HHAT: variants seen among roughly 807,000 people sequenced by gnomAD.
HHAT encodes the protein hedgehog acyltransferase.
In HHAT, 47 loss-of-function variants were observed where a neutral mutation model predicts 70.8. The ratio of observed to expected loss-of-function variants is 0.66; its 90% confidence interval spans 0.53 to 0.85. The LOEUF is 0.85. Ranked by LOEUF, HHAT falls within the 40% of genes least tolerant of loss-of-function variation. HHAT has a pLI of 0.00. For synonymous variants in HHAT, 228 were observed against 247.6 expected (o/e 0.92, Z 0.74); for missense variants, 609 against 604.8 (o/e 1.01, Z -0.07).
chr1:210,573,308 C>T (rs976448364), intron 9 of HHAT, among the ~76,000 whole-genome samples: 1 of 152,208 alleles, frequency 6.6e-6, no homozygotes, highest in Admixed American at 6.5e-5. Flanking sequence ...CTGCCCTGCT[C>T]TGTGCTCCAA....
At chr1:210,410,057 AT>A (rs111584710) in intron 6 of HHAT, among the ~76,000 whole-genome samples, 15,790 of 145,550 alleles carry the variant, frequency 0.11, 864 homozygotes, top group Middle Eastern at 0.16. Context: ...CAAATTTTGG[AT>A]TTTTTTTTTT....
rs183363967 is a variant in HHAT at position 210,364,110 on chromosome 1, C to T, written c.159+1191C>T. On this transcript the variant is annotated intron_variant, in intron 3 of 11. Transcript: ENST00000261458. Reference sequence around the variant, plus strand: ...TTCTGTAACTGAGAAGAGCATCCTGCCCTGCATGGGGTGCCATTCTTGGCT... The same window carrying T: ...TTCTGTAACTGAGAAGAGCATCCTGTCCTGCATGGGGTGCCATTCTTGGCT... Among the ~76,000 whole-genome samples, 33 of 152,316 alleles carry T rather than the reference C, an allele frequency of 2.2e-4. No individual in the cohort carries two copies. In the East Asian group the frequency reaches 6.2e-3, roughly 28 times the overall value.
At chr1:210,455,421 C>T (rs1022740896) in intron 7 of HHAT, among the ~76,000 whole-genome samples, 4 of 152,106 alleles carry the variant, frequency 2.6e-5, no homozygotes, top group Non-Finnish European at 5.9e-5. Flanking sequence ...CTTTAGAGCT[C>T]GTTCCCTTTG....
chr1:210,551,163 G>T lies in HHAT; in HGVS notation c.1044-36735G>T, dbSNP rs2095524249. On this transcript the variant is annotated intron_variant, in intron 9 of 11. Coordinates refer to ENST00000261458, the MANE Select transcript of HHAT (RefSeq NM_018194.6). ...TCAAATGTCTTGGCTCTTCTCTGAAGCCCAGGGTTCCTTGTAGGATGTGAT... is the reference window on the plus strand; with the variant it reads ...TCAAATGTCTTGGCTCTTCTCTGAATCCCAGGGTTCCTTGTAGGATGTGAT... 1.3e-5 allele frequency among the ~76,000 whole-genome samples: 2 copies of T among 148,860 alleles called. 1 individual carries two copies. Among genetic ancestry groups the T allele is most frequent in the East Asian group, 4.5e-4 (2 of 4,472 alleles).
chr1:210,334,178 A>AGTTTTTTTTTTTTTTT (rs2085258447), intron 1 of HHAT, among the ~76,000 whole-genome samples: 1 of 99,956 alleles, frequency 1.0e-5, no homozygotes, highest in African/African-American at 3.7e-5. Flanking sequence ...TTAGCGTGTC[A>AGTTTTTTTTTTTTTTT]TTTTTTTTTT....
chr1:210,671,628 G>A (rs1485599809), intron 11 of HHAT, among the ~76,000 whole-genome samples: 4 of 152,208 alleles, frequency 2.6e-5, no homozygotes, highest in African/African-American at 9.6e-5. Flanking sequence ...TGAAAATGGA[G>A]GCAGTGATGC....
intron 3 of HHAT, among the ~76,000 whole-genome samples, chr1:210,371,279 G>A (rs889264035): frequency 1.2e-4 from 18 of 152,142 alleles, no homozygotes; most frequent in African/African-American, 4.3e-4. Flanking sequence ...AGCCTCCCAA[G>A]CAGGGCCTAC....
chr1:210,572,696 C>T (rs1042293648), intron 9 of HHAT, among the ~76,000 whole-genome samples: 1 of 151,990 alleles, frequency 6.6e-6, no homozygotes, highest in African/African-American at 2.4e-5. Flanking sequence ...GAGTTTGAAA[C>T]CAGCCTGGGC....
At chr1:210,475,912 AT>A (rs1392806705) in intron 8 of HHAT, among the ~76,000 whole-genome samples, 3 of 152,232 alleles carry the variant, frequency 2.0e-5, no homozygotes, top group African/African-American at 7.2e-5. Context: ...TTGTGTAATT[AT>A]ATTGTTAAGT....
chr1:210,631,033 G>A (rs1670761638), intron 11 of HHAT: 1 of 456,464 alleles, frequency 2.2e-6, no homozygotes, highest in Non-Finnish European at 4.4e-6. Flanking sequence ...AATCCATGTT[G>A]GGAGACAGCA....
intron 8 of HHAT, among the ~76,000 whole-genome samples, chr1:210,507,922 G>A (rs1033502156): frequency 1.3e-5 from 2 of 151,766 alleles, no homozygotes; most frequent in Non-Finnish European, 2.9e-5. Flanking sequence ...TAGCATGGCC[G>A]GGCATGGTGG....
At chr1:210,445,913 T>A (rs1320731653) in intron 7 of HHAT, among the ~76,000 whole-genome samples, 4 of 152,044 alleles carry the variant, frequency 2.6e-5, no homozygotes, top group African/African-American at 7.3e-5. Context: ...TTAGGGTACA[T>A]GTGCACAACG....
chr1:210,634,881 T>A (rs1480345980), intron 11 of HHAT, among the ~76,000 whole-genome samples: 1 of 152,182 alleles, frequency 6.6e-6, no homozygotes, highest in South Asian at 2.1e-4. Context: ...GTGGGAAGCA[T>A]CTCAGCTTAT....
At chr1:210,623,173 G>A (rs979308746) in intron 10 of HHAT, among the ~76,000 whole-genome samples, 1 of 152,194 alleles carries the variant, frequency 6.6e-6, no homozygotes, top group South Asian at 2.1e-4. Flanking sequence ...CCGGGCTGAA[G>A]CAATCCTCCC....
intron 8 of HHAT, among the ~76,000 whole-genome samples, chr1:210,492,437 G>A (rs886983005): frequency 6.6e-6 from 1 of 152,222 alleles, no homozygotes. Flanking sequence ...CTGCATGCAT[G>A]AGTGGATGGT....
At chr1:210,442,933 A>C (rs1379196018) in intron 7 of HHAT, among the ~76,000 whole-genome samples, 1 of 151,870 alleles carries the variant, frequency 6.6e-6, no homozygotes, top group African/African-American at 2.4e-5. Context: ...GCCCATGCCT[A>C]TGTCCTGAAT....
chr1:210,346,088 A>G (rs564326613), intron 1 of HHAT, among the ~76,000 whole-genome samples: 49 of 151,526 alleles, frequency 3.2e-4, no homozygotes, highest in African/African-American at 1.1e-3. Flanking sequence ...AAAAAAAAGC[A>G]GCACCAAAAT....
At chr1:210,350,825 T>C (rs560663413) in intron 2 of HHAT, among the ~76,000 whole-genome samples, 1 of 152,358 alleles carries the variant, frequency 6.6e-6, no homozygotes, top group South Asian at 2.1e-4. Flanking sequence ...CCTTGCCTTA[T>C]TCCTAATTTA....
chr1:210,340,298 A>G (rs749877997), intron 1 of HHAT, among the ~76,000 whole-genome samples: 48 of 146,594 alleles, frequency 3.3e-4, no homozygotes, highest in Non-Finnish European at 6.5e-4. Flanking sequence ...GAGAATTGTG[A>G]TATGGGAATC....
Sources: gnomAD v4.1 joint callset for allele counts (sites outside exome capture counted in the v4.1 genomes callset) on GRCh38, gnomAD v4.1.1 for gene constraint, MANE v1.5 for transcripts, NCBI Gene and HGNC (gene_info 2026-07-23, HGNC 2026-07-21) for gene names.